ARL15: variants seen among roughly 807,000 people sequenced by gnomAD.
The protein encoded by ARL15 is ADP-ribosylation factor-like protein 15.
ARL15 carries 19 observed loss-of-function variants against 25.2 expected under a neutral mutation model. The ratio of observed to expected loss-of-function variants is 0.75; its 90% confidence interval spans 0.53 to 1.10. The LOEUF is 1.10. Among genes scored for constraint, ARL15 ranks in the 50% least tolerant of loss-of-function variants. ARL15 has a pLI of 0.00. For synonymous variants in ARL15, 94 were observed against 86.8 expected (o/e 1.08, Z -0.46); for missense variants, 220 against 246.0 (o/e 0.89, Z 0.71).
At chr5:53,951,622 C>T (rs566178874) in intron 4 of ARL15, 8 of 460,994 alleles carry the variant, frequency 1.7e-5, no homozygotes, top group African/African-American at 1.0e-4. Flanking sequence ...CTTACTTACT[C>T]CTTCCCTATA....
At chr5:54,138,375 G>T (rs188707587) in intron 3 of ARL15, among the ~76,000 whole-genome samples, 1 of 152,066 alleles carries the variant, frequency 6.6e-6, no homozygotes, top group Non-Finnish European at 1.5e-5. Flanking sequence ...AAAGCTAAAC[G>T]CAACCAACTG....
chr5:53,968,135 T>C (rs1173493171), intron 4 of ARL15, among the ~76,000 whole-genome samples: 1 of 152,176 alleles, frequency 6.6e-6, no homozygotes, highest in Non-Finnish European at 1.5e-5. Context: ...GTTTCGTCTC[T>C]TTAATATAAG....
chr5:54,309,846 G>A (rs1207692289), intron 1 of ARL15, among the ~76,000 whole-genome samples: 1 of 152,174 alleles, frequency 6.6e-6, no homozygotes, highest in African/African-American at 2.4e-5. Flanking sequence ...AGACCGGAAT[G>A]GTGGGGCTAT....
chr5:53,946,658 C>A (rs915637298), intron 4 of ARL15, among the ~76,000 whole-genome samples: 3 of 152,000 alleles, frequency 2.0e-5, no homozygotes, highest in Non-Finnish European at 2.9e-5. Context: ...AAAGGGATTG[C>A]ATTGGAGGTG....
intron 1 of ARL15, among the ~76,000 whole-genome samples, chr5:54,244,420 T>C (rs2112582856): frequency 6.6e-6 from 1 of 152,278 alleles, no homozygotes; most frequent in Middle Eastern, 3.4e-3. Flanking sequence ...GTAGGAAGTA[T>C]GGAACAGAAC....
intron 4 of ARL15, among the ~76,000 whole-genome samples, chr5:54,012,235 C>T (rs111878021): frequency 6.6e-6 from 1 of 152,164 alleles, no homozygotes; most frequent in African/African-American, 2.4e-5. Context: ...AGAGAAGATA[C>T]TGTCCATCCC....
chr5:54,271,232 T>A (rs150521028), intron 1 of ARL15, among the ~76,000 whole-genome samples: 109 of 152,238 alleles, frequency 7.2e-4, no homozygotes, highest in Non-Finnish European at 1.4e-3. Flanking sequence ...TATAATCACA[T>A]AAGCTAATTC....
chr5:54,249,049 T>TA (rs1470382940), intron 1 of ARL15, among the ~76,000 whole-genome samples: 1 of 149,560 alleles, frequency 6.7e-6, no homozygotes, highest in African/African-American at 2.5e-5. Context: ...AAAAAAATAA[T>TA]AAAAAATAAA....
chr5:54,265,561 T>C (rs1757603662), intron 1 of ARL15, among the ~76,000 whole-genome samples: 1 of 152,212 alleles, frequency 6.6e-6, no homozygotes, highest in South Asian at 2.1e-4. Flanking sequence ...TCTTTTTAAA[T>C]TGAAGAGGGA....
At chr5:54,086,901 G>C (rs1460484471) in intron 4 of ARL15, among the ~76,000 whole-genome samples, 1 of 152,210 alleles carries the variant, frequency 6.6e-6, no homozygotes, top group Non-Finnish European at 1.5e-5. Context: ...ACATGGGAGA[G>C]ACGAGGAATT....
chr5:54,100,789 TTC>T (rs1752413091), intron 4 of ARL15, among the ~76,000 whole-genome samples: 1 of 152,108 alleles, frequency 6.6e-6, no homozygotes, highest in African/African-American at 2.4e-5. Flanking sequence ...AAGTTGGCAT[TTC>T]TAACCTTTTG....
rs573287209 is a variant in ARL15 at position 54,014,913 on chromosome 5, T to C, written c.462+98289A>G. Among the ~76,000 whole-genome samples, 290 of 152,266 alleles carry C rather than the reference T, an allele frequency of 1.9e-3. 1 individual carries two copies. Among genetic ancestry groups the C allele is most frequent in the African/African-American group, 6.8e-3 (282 of 41,526 alleles). The stretch of plus-strand genomic sequence containing the variant: ...TATTTGTGTGCCTTTTCTCTTCATC[T>C]GCCTTTTTGAATTGATTTATCAGTG... On this transcript the variant is annotated intron_variant, in intron 4 of 4. Coordinates refer to ENST00000504924, the MANE Select transcript of ARL15 (RefSeq NM_019087.3).
At chr5:53,923,871 AT>A (rs1248754257) in intron 4 of ARL15, among the ~76,000 whole-genome samples, 1 of 130,928 alleles carries the variant, frequency 7.6e-6, no homozygotes, top group Non-Finnish European at 1.7e-5. Flanking sequence ...TCTCAAAAAA[AT>A]AAAATAAAAT....
chr5:53,913,234 G>T (rs2111986362), intron 4 of ARL15, among the ~76,000 whole-genome samples: 1 of 152,286 alleles, frequency 6.6e-6, no homozygotes, highest in African/African-American at 2.4e-5. Flanking sequence ...GCCCAAGAGG[G>T]CAGGGTTGCA....
At chr5:53,930,162 A>C (rs1269772715) in intron 4 of ARL15, among the ~76,000 whole-genome samples, 1 of 152,214 alleles carries the variant, frequency 6.6e-6, no homozygotes, top group Non-Finnish European at 1.5e-5. Context: ...TAAAAATCAC[A>C]TACCCACACA....
At chr5:53,968,953 G>A (rs997749399) in intron 4 of ARL15, among the ~76,000 whole-genome samples, 8 of 151,566 alleles carry the variant, frequency 5.3e-5, no homozygotes, top group Non-Finnish European at 1.0e-4. Context: ...TTCGAGACCA[G>A]CCTGGACAAC....
intron 1 of ARL15, among the ~76,000 whole-genome samples, chr5:54,274,300 C>T (rs1465591389): frequency 2.0e-5 from 3 of 152,254 alleles, no homozygotes; most frequent in Middle Eastern, 3.4e-3. Context: ...AAGTCCTGAT[C>T]TTGAGAGAAA....
intron 2 of ARL15, among the ~76,000 whole-genome samples, chr5:54,158,740 G>A (rs1754314689): frequency 6.6e-6 from 1 of 152,168 alleles, no homozygotes; most frequent in Non-Finnish European, 1.5e-5. Flanking sequence ...GGGCGTGGTG[G>A]CAGATGCCTG....
chr5:54,234,763 A>G (rs1215837506), intron 1 of ARL15, among the ~76,000 whole-genome samples: 1 of 152,240 alleles, frequency 6.6e-6, no homozygotes, highest in Non-Finnish European at 1.5e-5. Flanking sequence ...TGGACTTGTA[A>G]GCTCACAGAA....
Sources: allele counts gnomAD v4.1 joint callset (sites outside exome capture counted in the v4.1 genomes callset), GRCh38; gene constraint gnomAD v4.1.1; transcripts MANE v1.5; gene names NCBI Gene and HGNC (gene_info 2026-07-23, HGNC 2026-07-21).